The following COL16A1 variants were observed in gnomAD, a reference collection of about 807,000 sequenced individuals.
The protein encoded by COL16A1 is collagen alpha-1(XVI) chain.
In COL16A1, 189 loss-of-function variants were observed where a neutral mutation model predicts 266.3. That is an observed-to-expected ratio of 0.71 (90% CI 0.63 to 0.80). The LOEUF is 0.80. COL16A1 is among the 30% of genes least tolerant of loss of function. COL16A1 has a pLI of 0.00. For missense variants in COL16A1, 1,928 were observed against 2,122.4 expected (o/e 0.91, Z 1.80); for synonymous variants, 740 against 782.3 (o/e 0.95, Z 0.90).
At position 31,679,867 on chromosome 1, in the gene COL16A1, G is replaced by T; in HGVS notation, c.2671-16C>A. The T allele has an allele frequency of 6.6e-7, 1 of 1,505,124 alleles. No homozygotes were observed. The highest frequency in any genetic ancestry group is 8.9e-7 in the Non-Finnish European group (1 of 1,127,624). 93.2% of individuals were successfully genotyped at this position (1,505,124 alleles called of 1,614,324 possible). On this transcript the variant is annotated splice_polypyrimidine_tract_variant and intron_variant, in intron 40 of 70. Coordinates refer to ENST00000373672, the MANE Select transcript of COL16A1 (RefSeq NM_001856.4). ...CCGGAGCACCCTGGGTGGGAGTGGG[G>T]GTCGCAAAAGAAGGGGAGAGGTTAT...
chr1:31,683,351 C>T lies in COL16A1; in HGVS notation c.2398G>A (p.Gly800Ser). ...QGPQGEPGAP[G>S]LPGIQGLPGP... ...AGACGTACCTGAATGCCAGGCAAAC[C>T]CGGGGCTCCAGGCTCCCCCTGCAAG... Residue 800 changes from glycine (G) to serine (S), a missense_variant, in exon 35 of 71, where the codon GGT becomes AGT. Transcript: ENST00000373672. 6.2e-7 allele frequency: 1 copy of T among 1,614,166 alleles called. No homozygotes were observed. The highest frequency in any genetic ancestry group is 2.2e-5 in the East Asian group (1 of 44,886).
chr1:31,678,170 G>A (rs542044355), intron 42 of COL16A1, among the ~76,000 whole-genome samples: 1 of 152,302 alleles, frequency 6.6e-6, no homozygotes, highest in African/African-American at 2.4e-5. Flanking sequence ...AGCCCACGGT[G>A]GCAGGGGAGG....
Position 31,655,337 on chromosome 1 carries a change from AG to A in COL16A1, c.4266del (p.Leu1423CysfsTer12). ...ACCATGGAGCCAGGCACACCAGGCA[AG>A]CCAGGGCTCCCCGAAGGCCCCGGAG... Reference protein sequence around the residue: ...PGAPGPSGSPGLPGVPGSMGD... With the variant: ...PGAPGPSGSPXLPGVPGSMGD... On this transcript the variant is annotated frameshift_variant, in exon 67 of 71. Coordinates refer to ENST00000373672, the MANE Select transcript of COL16A1 (RefSeq NM_001856.4). LOFTEE classifies it high-confidence loss of function. 1 of 1,613,660 alleles carries A rather than the reference AG, an allele frequency of 6.2e-7. No individual in the cohort carries two copies. The highest frequency in any genetic ancestry group is 8.5e-7 in the Non-Finnish European group (1 of 1,179,828).
intron 23 of COL16A1, 39 bp from the exon 24 acceptor site, chr1:31,689,124 G>T: frequency 6.2e-7 from 1 of 1,612,654 alleles, no homozygotes; most frequent in East Asian, 2.2e-5. Context: ...GGCAGGGCAC[G>T]ATGGGGCACC....
intron 8 of COL16A1, 74 bp from the exon 9 acceptor site, chr1:31,696,215 G>A (rs1202909449): frequency 3.6e-6 from 5 of 1,374,028 alleles, no homozygotes; most frequent in Non-Finnish European, 5.2e-6. Context: ...GGGGCACCCA[G>A]GCAGGGGGCA....
At chr1:31,686,490 T>A (rs1372749796) in intron 26 of COL16A1, 2 of 718,348 alleles carry the variant, frequency 2.8e-6, no homozygotes, top group Non-Finnish European at 4.9e-6. Flanking sequence ...CTTCACCTCA[T>A]GGAATCCAGC....
rs961358740 is a variant in COL16A1, at chr1:31,656,819, G to T, written c.4056+214C>A. 5 of 590,650 alleles carry T rather than the reference G, an allele frequency of 8.5e-6. No individual in the cohort carries two copies. Among genetic ancestry groups the T allele is most frequent in the African/African-American group, 8.2e-5 (4 of 48,662 alleles). The allele number at this position is 590,650 out of a possible 1,614,324, so 36.6% of individuals were successfully genotyped here. Reference sequence around the variant, plus strand: ...GTTGTTTCTTTTTGACCAGGTACAGGGTTTAAAAAAAAAAAAAAAAAGGTA... The same window carrying T: ...GTTGTTTCTTTTTGACCAGGTACAGTGTTTAAAAAAAAAAAAAAAAAGGTA... On this transcript the variant is annotated intron_variant, in intron 65 of 70. Transcript: ENST00000373672. The surrounding 1 kb of genome is among the most constrained non-coding windows in gnomAD (Gnocchi z 4.2).
In COL16A1 at chr1:31,688,449, A is replaced by T. The variant is rs1389134391; in HGVS notation, c.1803+18T>A. The T allele has an allele frequency of 6.2e-7, 1 of 1,613,954 alleles. No homozygotes were observed. Among genetic ancestry groups the T allele is most frequent in the East Asian group, 2.2e-5 (1 of 44,898 alleles). ...GCCAAGAAACTCCAGTGTCCCTGAC[A>T]TCTAACCCAGGTCTCACCTTCTCTC... On this transcript the variant is annotated intron_variant, in intron 26 of 70. Coordinates refer to ENST00000373672, the MANE Select transcript of COL16A1 (RefSeq NM_001856.4). This position sits in a 1 kb window ranked among gnomAD's most constrained non-coding sequence, Gnocchi z 4.9.
chr1:31,689,353 G>A (rs987713558), intron 23 of COL16A1: 6 of 601,478 alleles, frequency 1.0e-5, no homozygotes, highest in Non-Finnish European at 1.7e-5. Context: ...ACAGCTCCCA[G>A]GTGCTCCTGA....
At chr1:31,695,352 G>A in intron 10 of COL16A1, 131 bp from the exon 11 acceptor site, 1 of 894,016 alleles carries the variant, frequency 1.1e-6, no homozygotes, top group South Asian at 1.5e-5. Context: ...CTGAAGATAG[G>A]AATCCTATAA....
intron 44 of COL16A1, 89 bp from the exon 45 acceptor site, chr1:31,672,929 AG>A: frequency 8.1e-7 from 1 of 1,232,092 alleles, no homozygotes. Context: ...ACCCAGAGCC[AG>A]GGCTCCCTGC....
Position 31,679,797 on chromosome 1 carries a change from G to T in COL16A1, c.2718+7C>A. On this transcript the variant is annotated splice_region_variant and intron_variant, in intron 41 of 70. Coordinates refer to ENST00000373672, the MANE Select transcript of COL16A1 (RefSeq NM_001856.4). ...CGCTGGCGGACAAGAGGAGACAAGC[G>T]ACACACCTGCGGGCCCGGCTGCCAG... 1.3e-6 allele frequency: 2 copies of T among 1,571,248 alleles called. No individual in the cohort carries two copies. The highest frequency in any genetic ancestry group is 2.3e-5 in the East Asian group (1 of 44,394).
In COL16A1 at chr1:31,655,069, C is replaced by T. The variant is rs1361491521; in HGVS notation, c.4291-211G>A. On this transcript the variant is annotated intron_variant, in intron 67 of 70. Coordinates refer to ENST00000373672, the MANE Select transcript of COL16A1 (RefSeq NM_001856.4). ...CGCGATCTTGGCTCACAGCAACCTCCGTAGATTCTCAATCCAAAGTCCTAA... is the reference window on the plus strand; with the variant it reads ...CGCGATCTTGGCTCACAGCAACCTCTGTAGATTCTCAATCCAAAGTCCTAA... 2.7e-5 allele frequency among the ~76,000 whole-genome samples: 4 copies of T among 146,004 alleles called. No homozygotes were observed. In the Admixed American group the frequency reaches 2.9e-4, roughly 10 times the overall value.
intron 48 of COL16A1, 127 bp downstream of exon 48, chr1:31,671,488 G>A (rs752267292): frequency 1.8e-6 from 2 of 1,141,970 alleles, no homozygotes; most frequent in Non-Finnish European, 2.6e-6. Context: ...GAGGGATGGG[G>A]AGGGCAGTGG....
intron 70 of COL16A1, 167 bp downstream of exon 70, chr1:31,653,432 C>G: frequency 1.3e-6 from 1 of 789,892 alleles, no homozygotes. Context: ...GCCCCCACAT[C>G]CCCACAGGCC....
Position 31,664,635 on chromosome 1 carries a change from C to A in COL16A1, c.3555+537G>T, listed in dbSNP as rs942040900. Among the ~76,000 whole-genome samples, 2 of 152,166 alleles carry A rather than the reference C, an allele frequency of 1.3e-5. No homozygotes were observed. The highest frequency in any genetic ancestry group is 2.9e-5 in the Non-Finnish European group (2 of 68,022). On this transcript the variant is annotated intron_variant, in intron 56 of 70. Transcript: ENST00000373672. The surrounding 1 kb of genome is among the most constrained non-coding windows in gnomAD (Gnocchi z 5.5). ...TCAAGAGCAGCCAGCATAGGAGCTC[C>A]GCCAACTGCTGCTCCCCCAACCCTT... is the stretch of plus-strand genomic sequence containing the variant.
At chr1:31,684,733 T>G in intron 30 of COL16A1, 88 bp downstream of exon 30, 1 of 1,609,760 alleles carries the variant, frequency 6.2e-7, no homozygotes, top group South Asian at 1.1e-5. Flanking sequence ...GGGCTGAGGG[T>G]TGGGGGCTAG....
intron 23 of COL16A1, 192 bp from the exon 24 acceptor site, chr1:31,689,277 G>T (rs943933407): frequency 1.1e-6 from 1 of 895,486 alleles, no homozygotes; most frequent in South Asian, 1.8e-5. Flanking sequence ...GTGGCGGGGG[G>T]AATGACGCCA....
intron 31 of COL16A1, 86 bp downstream of exon 31, chr1:31,684,437 G>A: frequency 1.3e-6 from 2 of 1,547,996 alleles, no homozygotes; most frequent in Non-Finnish European, 1.7e-6. Context: ...GCCCCAGCTG[G>A]CCCTGCAGTC....
Sources: gnomAD v4.1 joint callset for allele counts (sites outside exome capture counted in the v4.1 genomes callset) on GRCh38, gnomAD v4.1.1 for gene constraint, Gnocchi (gnomAD v3.1) non-coding constraint, MANE v1.5 for transcripts, NCBI Gene and HGNC (gene_info 2026-07-23, HGNC 2026-07-21) for gene names.